Variants in NCBP1 observed in about 807,000 individuals in gnomAD.
NCBP1 encodes nuclear cap binding protein subunit 1.
NCBP1 carries 16 observed loss-of-function variants against 111.7 expected under a neutral mutation model. The observed-to-expected ratio is 0.14, with a 90% CI of 0.10 to 0.22. The LOEUF (loss-of-function observed/expected upper bound fraction) is 0.22. Among genes scored for constraint, NCBP1 ranks in the 10% least tolerant of loss-of-function variants. NCBP1 has a pLI of 1.00. For missense variants in NCBP1, 607 were observed against 957.5 expected, an observed-to-expected ratio of 0.63 and a Z score of 4.83; for synonymous variants, 304 against 314.3, an observed-to-expected ratio of 0.97 and a Z score of 0.35.
intron 20 of NCBP1, among the ~76,000 whole-genome samples, chr9:97,667,397 A>G (rs78040952): frequency 0.014 from 2,132 of 152,304 alleles, 102 homozygotes; most frequent in East Asian, 0.13. Context: ...AGTGTTATGC[A>G]TATTTACCAT....
chr9:97,653,870 G>A lies in NCBP1; in HGVS notation c.1132G>A (p.Glu378Lys). 2.5e-6 allele frequency: 4 copies of A among 1,613,978 alleles called. No individual in the cohort carries two copies. Among genetic ancestry groups the A allele is most frequent in the Non-Finnish European group, 3.4e-6 (4 of 1,179,960 alleles). The change falls in exon 11 of 23, where the codon GAA (glutamate) becomes AAA (lysine). Residue 378 changes from glutamate to lysine, a missense_variant. Physicochemically the swap from Glu to Lys is moderately conservative, Grantham distance 56. Around this residue, in one of 9 missense-constraint regions of NCBP1, gnomAD observed 33 missense variants for 46.5 expected, o/e 0.71. Transcript: ENST00000375147. ...IDVMYTTLLI[E>K]LCKLQPGSLP... ...TGTGATGTACACAACACTCCTCATT[G>A]AACTGTGCAAACTTCAACCTGGCTC... is the stretch of plus-strand genomic sequence containing the variant.
chr9:97,663,439 G>T (rs1827897279), intron 18 of NCBP1, among the ~76,000 whole-genome samples: 1 of 151,936 alleles, frequency 6.6e-6, no homozygotes, highest in Non-Finnish European at 1.5e-5. Flanking sequence ...TAACTTCTGG[G>T]GTTCATTGAA....
At chr9:97,653,998 G>T in intron 11 of NCBP1, 90 bp downstream of exon 11, 1 of 1,158,040 alleles carries the variant, frequency 8.6e-7, no homozygotes. Context: ...AAATTTTGTA[G>T]GTAAAAAATG....
At chr9:97,658,769 T>C (rs1827745469) in intron 15 of NCBP1, 26 bp downstream of exon 15, 1 of 1,497,696 alleles carries the variant, frequency 6.7e-7, no homozygotes, top group Admixed American at 1.7e-5. Context: ...AATCCCTCTG[T>C]CTTTAAAAGG....
chr9:97,649,234 GTTATAA>G (rs1417682203), intron 8 of NCBP1, among the ~76,000 whole-genome samples: 1 of 152,028 alleles, frequency 6.6e-6, no homozygotes. Flanking sequence ...CCATTGTACT[GTTATAA>G]TTGTATATTG....
rs1269734111 is a variant in NCBP1 at position 97,650,483 on chromosome 9, A to G, written c.898-20A>G. 1 of 1,573,472 alleles carries G rather than the reference A, an allele frequency of 6.4e-7. No individual in the cohort carries two copies. The highest frequency in any genetic ancestry group is 2.2e-5 in the East Asian group (1 of 44,574). ...TCTGTTTTCTAGGCCTGTAGTGTAC[A>G]CATTTGGTTTTCTTTCCAGGGTCCT... On this transcript the variant is annotated intron_variant, in intron 8 of 22. Transcript: ENST00000375147.
chr9:97,652,970 A>G (rs924287964), intron 10 of NCBP1, among the ~76,000 whole-genome samples: 3 of 152,162 alleles, frequency 2.0e-5, no homozygotes, highest in Non-Finnish European at 2.9e-5. Context: ...TGGTCCACCA[A>G]TTATACAGAG....
chr9:97,652,426 T>C (rs1159900854), intron 10 of NCBP1, among the ~76,000 whole-genome samples: 5 of 152,144 alleles, frequency 3.3e-5, no homozygotes. Context: ...GAGACCAGCC[T>C]GGGCAACATG....
chr9:97,641,000 C>T, intron 2 of NCBP1, 118 bp downstream of exon 2: 2 of 649,226 alleles, frequency 3.1e-6, no homozygotes, highest in Non-Finnish European at 5.3e-6. Context: ...TATTACCATG[C>T]ATCTGTATCC....
At chr9:97,641,433 C>T (rs1484637452) in intron 2 of NCBP1, 129 bp from the exon 3 acceptor site, 1 of 663,522 alleles carries the variant, frequency 1.5e-6, no homozygotes, top group Non-Finnish European at 2.1e-6. Context: ...ATTGAAAGGA[C>T]AGATGATTGG....
intron 1 of NCBP1, chr9:97,635,839 C>T (rs1827007053): frequency 1.3e-5 from 2 of 152,154 alleles, no homozygotes; most frequent in South Asian, 2.1e-4. Context: ...TGTTCTAATG[C>T]TTCCTTTTTC....
At chr9:97,668,169 A>G (rs1339141502) in intron 20 of NCBP1, among the ~76,000 whole-genome samples, 1 of 152,198 alleles carries the variant, frequency 6.6e-6, no homozygotes, top group African/African-American at 2.4e-5. Flanking sequence ...AACACCTTAG[A>G]GCCACGTTCT....
At position 97,671,772 on chromosome 9, in the gene NCBP1, G is replaced by A. The variant is rs1281724301; in HGVS notation, c.*573G>A. The A allele has an allele frequency of 6.6e-6, 1 of 152,180 alleles. No individual in the cohort carries two copies. The highest frequency in any genetic ancestry group is 2.4e-5 in the African/African-American group (1 of 41,442). The allele number at this position is 152,180 out of a possible 1,614,324, so 9.4% of individuals were successfully genotyped here. A position where few individuals can be genotyped will look rare whatever the true frequency, so the allele number is the denominator to read the frequency against. Reference sequence around the variant, plus strand: ...GACATGACTTGTTAGTAATAAAAGTGTTACTAGTTGGAAGAGTAGCTCTCA... The same window carrying A: ...GACATGACTTGTTAGTAATAAAAGTATTACTAGTTGGAAGAGTAGCTCTCA... On this transcript the variant is annotated 3_prime_UTR_variant, in exon 23 of 23. Transcript: ENST00000375147.
intron 12 of NCBP1, 65 bp from the exon 13 acceptor site, chr9:97,655,635 TAA>T: frequency 7.5e-7 from 1 of 1,333,690 alleles, no homozygotes; most frequent in South Asian, 1.3e-5. Context: ...AAGGCTTATA[TAA>T]GTTTCTGTTC....
rs1827943625 is a variant in NCBP1 at position 97,664,757 on chromosome 9, AGTCC to A, written c.1901+315_1901+318del. Among the ~76,000 whole-genome samples the A allele has an allele frequency of 3.3e-5, 5 of 152,328 alleles. No homozygotes were observed. The South Asian group carries it at 1.0e-3, about 32-fold the overall frequency. On this transcript the variant is annotated intron_variant, in intron 19 of 22. Transcript: ENST00000375147. Reference sequence around the variant, plus strand: ...GCCAGCTATGTGCAGAGTCTCAGCTAGTCCAGATGGAACTCGGGAAGGGTTCCAG... The same window carrying A: ...GCCAGCTATGTGCAGAGTCTCAGCTAAGATGGAACTCGGGAAGGGTTCCAG...
chr9:97,653,935 A>C, intron 11 of NCBP1, 27 bp downstream of exon 11: 1 of 1,554,406 alleles, frequency 6.4e-7, no homozygotes, highest in Non-Finnish European at 8.8e-7. Flanking sequence ...TTTTAAACTT[A>C]ATCTCTTTGG....
intron 11 of NCBP1, 129 bp downstream of exon 11, chr9:97,654,037 A>G (rs1332445830): frequency 6.0e-6 from 4 of 667,594 alleles, no homozygotes; most frequent in East Asian, 2.8e-5. Flanking sequence ...GTGTGTGTGT[A>G]TTACATGTAT....
At chr9:97,661,962 C>A in intron 16 of NCBP1, 80 bp from the exon 17 acceptor site, 1 of 935,076 alleles carries the variant, frequency 1.1e-6, no homozygotes. Context: ...TGTGAGCAAC[C>A]ATCTATTTAG....
At chr9:97,657,239 T>G (rs12375457) in intron 14 of NCBP1, among the ~76,000 whole-genome samples, 22,290 of 152,216 alleles carry the variant, frequency 0.15, 2,074 homozygotes, top group Middle Eastern at 0.35. Flanking sequence ...GTGCTGAGAT[T>G]ACAGGCATGA....
Sources: gnomAD v4.1 joint callset for allele counts (sites outside exome capture counted in the v4.1 genomes callset) on GRCh38, gnomAD v4.1.1 for gene constraint, gnomAD v4.1.1 regional missense constraint, MANE v1.5 for transcripts, NCBI Gene and HGNC (gene_info 2026-07-23, HGNC 2026-07-21) for gene names.